Variants in SMURF2 observed in about 807,000 individuals in gnomAD.
The protein encoded by SMURF2 is SMAD specific E3 ubiquitin protein ligase 2, also known as E3 ubiquitin-protein ligase SMURF2.
A neutral mutation model predicts 109.6 loss-of-function variants in SMURF2; 48 were observed. That is an observed-to-expected ratio of 0.44 (90% confidence interval 0.35 to 0.56). SMURF2 has a LOEUF of 0.56. Among genes scored for constraint, SMURF2 ranks in the 20% least tolerant of loss-of-function variants. The pLI is 0.01. For synonymous variants in SMURF2, 288 were observed against 317.1 expected (o/e 0.91, Z 0.97); for missense variants, 575 against 909.0 (o/e 0.63, Z 4.72).
In SMURF2 at chr17:64,562,119, C is replaced by G. The variant is rs181723834; in HGVS notation, c.1213-516G>C. On this transcript the variant is annotated intron_variant, in intron 11 of 18. Transcript: ENST00000262435. ...ACCATCCTGGCCAACATGGTGAAACCCCATCTCTACTAAAAATACAAAAAT... is the reference window on the plus strand; with the variant it reads ...ACCATCCTGGCCAACATGGTGAAACGCCATCTCTACTAAAAATACAAAAAT... Among the ~76,000 whole-genome samples the G allele has an allele frequency of 3.5e-3, 529 of 151,590 alleles. 1 individual carries two copies. Among genetic ancestry groups the G allele is most frequent in the African/African-American group, 0.012 (508 of 41,374 alleles).
In SMURF2 at chr17:64,562,964, C is replaced by T. The variant is rs782096701; in HGVS notation, c.1019G>A (p.Arg340Gln). Residue 340 changes from arginine (R) to glutamine (Q), a missense_variant and splice_region_variant, in exon 11 of 19, where the codon CGG (arginine) becomes CAG (glutamine). Arg to Gln is a conservative substitution (Grantham distance 43). This residue lies in a region of SMURF2 where 361 missense variants were observed against 612.1 expected (regional missense o/e 0.59). Transcript: ENST00000262435. ...LSANLHLVLN[R>Q]QNQLKDQQQQ... is the part of the protein sequence containing the mutation. The stretch of plus-strand genomic sequence containing the variant: ...CTGTTGGTCTTTCAATTGGTTCTGC[C>T]GACTAGAAGTAAACATAGATGTTAT... The T allele has an allele frequency of 8.7e-6, 14 of 1,609,422 alleles. No homozygotes were observed. The highest frequency in any genetic ancestry group is 1.6e-4 in the Middle Eastern group (1 of 6,070).
intron 3 of SMURF2, among the ~76,000 whole-genome samples, chr17:64,597,312 G>A (rs549970834): frequency 6.6e-6 from 1 of 152,118 alleles, no homozygotes; most frequent in South Asian, 2.1e-4. Context: ...ACTGAGGAGG[G>A]TGAGGTGGGA....
Position 64,662,054 on chromosome 17 carries a change from G to C in SMURF2, c.-174C>G, listed in dbSNP as rs1970789310. ...TCGCCATGAGCCGCGGAGGGAGCGG[G>C]ACGCCGAGCTCCCCCCTCCTCCCAC... On this transcript the variant is annotated 5_prime_UTR_variant, in exon 1 of 19. Transcript: ENST00000262435. 1.8e-6 allele frequency: 2 copies of C among 1,109,366 alleles called. No individual in the cohort carries two copies. The highest frequency in any genetic ancestry group is 4.3e-5 in the South Asian group (1 of 23,278). 68.7% of individuals were successfully genotyped at this position (1,109,366 alleles called of 1,614,324 possible). A position where few individuals can be genotyped will look rare whatever the true frequency, so the allele number is the denominator to read the frequency against.
At chr17:64,568,345 C>T (rs1598274965) in intron 10 of SMURF2, among the ~76,000 whole-genome samples, 1 of 152,078 alleles carries the variant, frequency 6.6e-6, no homozygotes, top group Non-Finnish European at 1.5e-5. Context: ...CACTGAAAGC[C>T]GTCCTGGGCC....
intron 16 of SMURF2, among the ~76,000 whole-genome samples, chr17:64,548,364 A>C (rs1555683322): frequency 6.6e-6 from 1 of 152,162 alleles, no homozygotes; most frequent in African/African-American, 2.4e-5. Flanking sequence ...ATGGGTGTTG[A>C]ATAAGTGAGT....
intron 10 of SMURF2, among the ~76,000 whole-genome samples, chr17:64,569,207 A>G (rs372900618): frequency 8.5e-5 from 13 of 152,146 alleles, no homozygotes; most frequent in African/African-American, 3.1e-4. Context: ...AGGCTGAGGC[A>G]GGAGAATTGC....
intron 7 of SMURF2, 112 bp downstream of exon 7, chr17:64,583,349 C>T: frequency 1.3e-6 from 1 of 797,196 alleles, no homozygotes; most frequent in East Asian, 2.6e-5. Flanking sequence ...ATCTACTGAT[C>T]TACGACAGCA....
intron 4 of SMURF2, among the ~76,000 whole-genome samples, chr17:64,591,435 A>AT (rs1246141966): frequency 1.3e-5 from 2 of 152,140 alleles, no homozygotes; most frequent in African/African-American, 4.8e-5. Context: ...GAATCCTCAT[A>AT]TTTTTTTGAG....
chr17:64,626,220 C>T (rs1970267052), intron 1 of SMURF2, among the ~76,000 whole-genome samples: 1 of 146,640 alleles, frequency 6.8e-6, no homozygotes, highest in Non-Finnish European at 1.5e-5. Context: ...GATCATGCCA[C>T]TACACTCCAG....
intron 1 of SMURF2, among the ~76,000 whole-genome samples, chr17:64,625,423 AAATATT>A (rs1555691070): frequency 2.0e-5 from 3 of 152,256 alleles, no homozygotes; most frequent in African/African-American, 7.2e-5. Flanking sequence ...TCCTAATCTT[AAATATT>A]AACAAAAATG....
intron 1 of SMURF2, among the ~76,000 whole-genome samples, chr17:64,622,247 A>T (rs1158285946): frequency 6.6e-6 from 1 of 151,990 alleles, no homozygotes; most frequent in African/African-American, 2.4e-5. Context: ...AAAAGTTACA[A>T]AGTTAGTACA....
At chr17:64,614,111 A>G (rs1970090063) in intron 1 of SMURF2, among the ~76,000 whole-genome samples, 1 of 152,196 alleles carries the variant, frequency 6.6e-6, no homozygotes, top group Non-Finnish European at 1.5e-5. Flanking sequence ...GGTTGTAAAT[A>G]CAGATGATGC....
chr17:64,611,460 T>C (rs577995210), intron 1 of SMURF2, among the ~76,000 whole-genome samples: 2 of 152,226 alleles, frequency 1.3e-5, no homozygotes, highest in African/African-American at 2.4e-5. Context: ...CCCGCAAACC[T>C]GCTCCTCCCT....
chr17:64,614,275 A>G (rs1970091823), intron 1 of SMURF2, among the ~76,000 whole-genome samples: 2 of 152,230 alleles, frequency 1.3e-5, no homozygotes, highest in African/African-American at 2.4e-5. Context: ...AATCTGAAGT[A>G]TCTGAATTAA....
intron 1 of SMURF2, among the ~76,000 whole-genome samples, chr17:64,613,495 G>A (rs1027194592): frequency 9.2e-5 from 14 of 152,164 alleles, no homozygotes; most frequent in Admixed American, 3.9e-4. Flanking sequence ...GTTTCTTAAA[G>A]AAAATAGGTA....
At chr17:64,630,033 C>T (rs1970317422) in intron 1 of SMURF2, among the ~76,000 whole-genome samples, 1 of 151,896 alleles carries the variant, frequency 6.6e-6, no homozygotes, top group Non-Finnish European at 1.5e-5. Context: ...GTCAGGAGTT[C>T]GAAACGAGCC....
chr17:64,627,111 CT>C (rs1204553792), intron 1 of SMURF2, among the ~76,000 whole-genome samples: 364 of 120,108 alleles, frequency 3.0e-3, no homozygotes, highest in Middle Eastern at 8.9e-3. Context: ...AGTTTTTTTC[CT>C]TTTTTTTTTT....
intron 5 of SMURF2, among the ~76,000 whole-genome samples, chr17:64,590,134 TTTTTC>T (rs1363275975): frequency 2.1e-5 from 3 of 139,964 alleles, no homozygotes; most frequent in Middle Eastern, 3.2e-3. Context: ...TCCTATTGAA[TTTTTC>T]TTTTCTTTTT....
intron 1 of SMURF2, among the ~76,000 whole-genome samples, chr17:64,648,046 G>A (rs1970582273): frequency 3.1e-5 from 3 of 95,802 alleles, no homozygotes; most frequent in Admixed American, 1.7e-4. Context: ...AACACAGTGA[G>A]ACCCTATCTC....
Sources: allele counts gnomAD v4.1 joint callset (sites outside exome capture counted in the v4.1 genomes callset), GRCh38; gene constraint gnomAD v4.1.1; regional missense constraint gnomAD v4.1.1; transcripts MANE v1.5; gene names NCBI Gene and HGNC (gene_info 2026-07-23, HGNC 2026-07-21).